Variants in ABCC4 observed in about 807,000 individuals in gnomAD.
ABCC4 encodes ATP binding cassette subfamily C member 4 (PEL blood group).
In ABCC4, 102 loss-of-function variants were observed where a neutral mutation model predicts 168.5. The ratio of observed to expected loss-of-function variants is 0.61; its 90% CI spans 0.52 to 0.71. The LOEUF is 0.71. Ranked by LOEUF, ABCC4 falls within the 30% of genes least tolerant of loss-of-function variation. ABCC4 has a pLI of 0.00. For synonymous variants in ABCC4, 617 were observed against 590.7 expected, an observed-to-expected ratio of 1.04 and a Z score of -0.65; for missense variants, 1,402 against 1,605.8, an observed-to-expected ratio of 0.87 and a Z score of 2.17.
At chr13:95,025,653 G>A (rs534701636) in intron 30 of ABCC4, among the ~76,000 whole-genome samples, 1 of 151,538 alleles carries the variant, frequency 6.6e-6, no homozygotes, top group South Asian at 2.1e-4. Context: ...CATAGGTGAG[G>A]AGTAGGAATA....
chr13:95,090,834 G>A (rs935786112), intron 20 of ABCC4, among the ~76,000 whole-genome samples: 2 of 152,112 alleles, frequency 1.3e-5, no homozygotes, highest in African/African-American at 4.8e-5. Context: ...AGCTAATCAG[G>A]GGGGCACCAG....
chr13:95,300,526 A>G (rs1185378969), intron 1 of ABCC4, among the ~76,000 whole-genome samples: 1 of 152,210 alleles, frequency 6.6e-6, no homozygotes, highest in Non-Finnish European at 1.5e-5. Flanking sequence ...GAAACTTGCC[A>G]TAACTAGGTA....
chr13:95,227,410 A>G (rs1430199896), intron 4 of ABCC4, among the ~76,000 whole-genome samples: 1 of 152,228 alleles, frequency 6.6e-6, no homozygotes, highest in African/African-American at 2.4e-5. Context: ...GTGGGGGAGA[A>G]AAGTTTTTGA....
chr13:95,131,660 C>T (rs1176875275), intron 19 of ABCC4, among the ~76,000 whole-genome samples: 1 of 151,826 alleles, frequency 6.6e-6, no homozygotes, highest in African/African-American at 2.4e-5. Flanking sequence ...AAGAGTTGCC[C>T]AAAGATGTCA....
At chr13:95,133,776 G>A (rs148819884) in intron 19 of ABCC4, among the ~76,000 whole-genome samples, 1 of 152,204 alleles carries the variant, frequency 6.6e-6, no homozygotes, top group Non-Finnish European at 1.5e-5. Flanking sequence ...GTGCTGAAGG[G>A]ACACAAGAGC....
At chr13:95,276,087 A>C (rs2040963985) in intron 1 of ABCC4, among the ~76,000 whole-genome samples, 1 of 152,172 alleles carries the variant, frequency 6.6e-6, no homozygotes, top group Admixed American at 6.5e-5. Flanking sequence ...TCAAGAGGGA[A>C]TACTCCATAG....
chr13:95,172,572 G>GA (rs56278771), intron 13 of ABCC4, among the ~76,000 whole-genome samples: 53,358 of 124,540 alleles, frequency 0.43, 10,441 homozygotes, highest in Admixed American at 0.49. Context: ...CCTCAAAAAG[G>GA]AAAAAAAAAA....
intron 19 of ABCC4, among the ~76,000 whole-genome samples, chr13:95,139,531 A>C (rs1036288493): frequency 1.1e-4 from 16 of 152,294 alleles, no homozygotes; most frequent in Admixed American, 2.6e-4. Flanking sequence ...CTTGGCACCT[A>C]CACAGCCCAT....
At chr13:95,108,626 C>T (rs942901408) in intron 20 of ABCC4, among the ~76,000 whole-genome samples, 12 of 150,684 alleles carry the variant, frequency 8.0e-5, no homozygotes, top group Non-Finnish European at 8.8e-5. Flanking sequence ...ACTGTGAGTC[C>T]GTTAAATCTA....
At chr13:95,216,811 TGTAA>T (rs1313101328) in intron 4 of ABCC4, among the ~76,000 whole-genome samples, 5 of 152,186 alleles carry the variant, frequency 3.3e-5, no homozygotes, top group African/African-American at 1.2e-4. Flanking sequence ...CCGGGGAAAA[TGTAA>T]GTAATTAACA....
chr13:95,171,800 C>T lies in ABCC4; in HGVS notation c.1728-1172G>A, dbSNP rs555128720. 1.4e-4 allele frequency among the ~76,000 whole-genome samples: 21 copies of T among 152,188 alleles called. No homozygotes were observed. In the South Asian group the frequency reaches 3.5e-3, roughly 26 times the overall value. The stretch of plus-strand genomic sequence containing the variant: ...ATGTAAACTATCACTTCATCCTTTA[C>T]GTCCAAAAGGATTATTTTTTCCCCT... On this transcript the variant is annotated intron_variant, in intron 13 of 30. Transcript: ENST00000645237.
chr13:95,126,736 T>TATATATTCCAAA (rs1555316776), intron 19 of ABCC4, among the ~76,000 whole-genome samples: 2 of 132,422 alleles, frequency 1.5e-5, no homozygotes, highest in African/African-American at 5.6e-5. Flanking sequence ...TATATATATA[T>TATATATTCCAAA]ATATATATAT....
chr13:95,177,981 C>T lies in ABCC4; in HGVS notation c.1640+16G>A, dbSNP rs760372085. On this transcript the variant is annotated intron_variant, in intron 12 of 30. Coordinates refer to ENST00000645237, the MANE Select transcript of ABCC4 (RefSeq NM_005845.5). ...TCAAAAGACACCGGCATAGTGGCTG[C>T]TGAAATGCAACTTACCTTGCAAGGT... The T allele has an allele frequency of 6.2e-7, 1 of 1,612,794 alleles. No homozygotes were observed. The highest frequency in any genetic ancestry group is 1.7e-5 in the Admixed American group (1 of 60,010).
chr13:95,207,774 A>G lies in ABCC4; in HGVS notation c.911+26T>C, dbSNP rs192990392. 29 of 1,592,910 alleles carry G rather than the reference A, an allele frequency of 1.8e-5. No homozygotes were observed. In the Admixed American group the frequency reaches 5.2e-4, roughly 28 times the overall value. On this transcript the variant is annotated intron_variant, in intron 7 of 30. Transcript: ENST00000645237. ...ATAGCAAATAGAAAAATACAAAAAT[A>G]TGGTACAATGTATACAAAAACTTAC...
chr13:95,187,665 T>A (rs1166297451), intron 10 of ABCC4, among the ~76,000 whole-genome samples: 1 of 152,078 alleles, frequency 6.6e-6, no homozygotes, highest in Non-Finnish European at 1.5e-5. Flanking sequence ...AAATAATAAA[T>A]CCTGTGCACT....
At chr13:95,168,895 C>CT (rs1566485884) in intron 14 of ABCC4, among the ~76,000 whole-genome samples, 1 of 151,848 alleles carries the variant, frequency 6.6e-6, no homozygotes, top group Admixed American at 6.6e-5. Flanking sequence ...TGAATGTGGC[C>CT]TTTTTTTTCA....
At chr13:95,283,919 G>A (rs547286646) in intron 1 of ABCC4, among the ~76,000 whole-genome samples, 7 of 150,572 alleles carry the variant, frequency 4.6e-5, no homozygotes, top group African/African-American at 7.3e-5. Flanking sequence ...AAAGAGTGGC[G>A]CCAGGTGCAG....
intron 21 of ABCC4, among the ~76,000 whole-genome samples, chr13:95,081,540 T>C (rs1423544066): frequency 6.6e-6 from 1 of 152,174 alleles, no homozygotes; most frequent in East Asian, 1.9e-4. Context: ...TGGCCAAGTG[T>C]TACTCACATG....
chr13:95,272,690 C>A (rs1419680076), intron 1 of ABCC4, among the ~76,000 whole-genome samples: 1 of 152,008 alleles, frequency 6.6e-6, no homozygotes, highest in African/African-American at 2.4e-5. Flanking sequence ...GAGTTTGAGA[C>A]CAGCCTGGCC....
Sources: gnomAD v4.1 joint callset for allele counts (sites outside exome capture counted in the v4.1 genomes callset) on GRCh38, gnomAD v4.1.1 for gene constraint, MANE v1.5 for transcripts, NCBI Gene and HGNC (gene_info 2026-07-23, HGNC 2026-07-21) for gene names.